CCNB2: variants seen among roughly 807,000 people sequenced by gnomAD.
CCNB2 encodes the protein cyclin B2.
A neutral mutation model predicts 51.1 loss-of-function variants in CCNB2; 39 were observed. The observed-to-expected ratio is 0.76, with a 90% CI of 0.59 to 1.00. CCNB2 has a LOEUF of 1.00. Among genes scored for constraint, CCNB2 ranks in the 50% least tolerant of loss-of-function variants. The pLI is 0.00. For missense variants in CCNB2, 472 were observed against 470.3 expected (o/e 1.00, Z -0.03); for synonymous variants, 174 against 165.5 (o/e 1.05, Z -0.40).
At chr15:59,108,369 C>T (rs776791856) in intron 3 of CCNB2, among the ~76,000 whole-genome samples, 9 of 152,006 alleles carry the variant, frequency 5.9e-5, no homozygotes, top group African/African-American at 1.9e-4. Flanking sequence ...TGAGGAGTAC[C>T]GAAATGATGA....
rs200529135 is a variant in CCNB2 at position 59,107,611 on chromosome 15, A to C, written c.208A>C (p.Lys70Gln). The stretch of plus-strand genomic sequence containing the variant: ...ACCCACCAAAACAACAAATGTCAAC[A>C]AACAACTGAAACCTACTGCTTCTGT... ...VQPTKTTNVN[K>Q]QLKPTASVKP... Residue 70 changes from lysine (K) to glutamine (Q), a missense_variant, in exon 3 of 9, where the codon AAA becomes CAA. Transcript: ENST00000288207. The C allele has an allele frequency of 1.2e-6, 2 of 1,614,214 alleles. No individual in the cohort carries two copies. The highest frequency in any genetic ancestry group is 4.5e-5 in the East Asian group (2 of 44,882).
chr15:59,109,613 A>G (rs1032122994), intron 3 of CCNB2, among the ~76,000 whole-genome samples: 1 of 152,240 alleles, frequency 6.6e-6, no homozygotes, highest in Admixed American at 6.5e-5. Flanking sequence ...TAAAATGTAC[A>G]TTTGTATGCA....
chr15:59,114,850 G>T lies in CCNB2; in HGVS notation c.571G>T (p.Val191Phe). Reference protein sequence around the residue: ...RLLQETLYMCVGIMDRFLQVQ... With the variant: ...RLLQETLYMCFGIMDRFLQVQ... ...TCTGCAGGAGACTCTGTACATGTGC[G>T]TTGGCATTATGGATCGATTTTTACA... Residue 191 changes from valine (V) to phenylalanine (F), a missense_variant, in exon 5 of 9, where the codon GTT becomes TTT. Physicochemically the swap from Val to Phe is conservative, Grantham distance 50. Coordinates refer to ENST00000288207, the MANE Select transcript of CCNB2 (RefSeq NM_004701.4). 6.2e-7 allele frequency: 1 copy of T among 1,613,458 alleles called. No individual in the cohort carries two copies. Among genetic ancestry groups the T allele is most frequent in the Non-Finnish European group, 8.5e-7 (1 of 1,179,526 alleles).
At chr15:59,124,729 G>A in intron 8 of CCNB2, 38 bp from the exon 9 acceptor site, 1 of 1,374,398 alleles carries the variant, frequency 7.3e-7, no homozygotes, top group African/African-American at 1.4e-5. Context: ...ATCATTGGGG[G>A]TTCCTGACAT....
intron 7 of CCNB2, among the ~76,000 whole-genome samples, chr15:59,122,641 A>G (rs1159434783): frequency 6.6e-6 from 1 of 151,146 alleles, no homozygotes; most frequent in Non-Finnish European, 1.5e-5. Flanking sequence ...GGCTCAAGCA[A>G]TCCTTCCTCC....
chr15:59,108,691 A>G (rs1412392642), intron 3 of CCNB2, among the ~76,000 whole-genome samples: 1 of 152,202 alleles, frequency 6.6e-6, no homozygotes, highest in African/African-American at 2.4e-5. Flanking sequence ...AGCTTTGGTA[A>G]AGGTATCCTG....
At chr15:59,110,636 A>T (rs2079253935) in intron 3 of CCNB2, among the ~76,000 whole-genome samples, 1 of 152,196 alleles carries the variant, frequency 6.6e-6, no homozygotes, top group African/African-American at 2.4e-5. Flanking sequence ...TGTGTCCATG[A>T]TAGGAGATGT....
At chr15:59,112,945 A>G (rs1482640079) in intron 3 of CCNB2, among the ~76,000 whole-genome samples, 1 of 151,934 alleles carries the variant, frequency 6.6e-6, no homozygotes, top group African/African-American at 2.4e-5. Context: ...GAGGCAGGAG[A>G]ATGGCGTGAA....
chr15:59,109,936 G>A (rs2079251326), intron 3 of CCNB2, among the ~76,000 whole-genome samples: 1 of 152,136 alleles, frequency 6.6e-6, no homozygotes, highest in African/African-American at 2.4e-5. Flanking sequence ...GCAGTGAGCC[G>A]AGATTGTGCC....
At chr15:59,108,102 T>C (rs543050059) in intron 3 of CCNB2, among the ~76,000 whole-genome samples, 55 of 152,216 alleles carry the variant, frequency 3.6e-4, no homozygotes, top group African/African-American at 1.2e-3. Flanking sequence ...ATGAGTGAGA[T>C]TTTTAGGGGT....
Position 59,125,031 on chromosome 15 carries a change from GT to G in CCNB2, c.*159del. 3 of 484,768 alleles carry G rather than the reference GT, an allele frequency of 6.2e-6. No individual in the cohort carries two copies. Among genetic ancestry groups the G allele is most frequent in the Non-Finnish European group, 3.6e-6 (1 of 275,454 alleles). 30.0% of individuals were successfully genotyped at this position (484,768 alleles called of 1,614,324 possible). Reference sequence around the variant, plus strand: ...ATATTGAGGAAAAATAAAGCGATTGGTTTTTCTTAAGGTATCCCATGTGTAT... The same window carrying G: ...ATATTGAGGAAAAATAAAGCGATTGGTTTTCTTAAGGTATCCCATGTGTAT... On this transcript the variant is annotated 3_prime_UTR_variant, in exon 9 of 9. Coordinates refer to ENST00000288207, the MANE Select transcript of CCNB2 (RefSeq NM_004701.4).
intron 3 of CCNB2, among the ~76,000 whole-genome samples, chr15:59,108,000 G>GA (rs57263228): frequency 0.075 from 10,961 of 146,482 alleles, 368 homozygotes; most frequent in Middle Eastern, 0.1. Flanking sequence ...CCTTGTCTCT[G>GA]AAAAAAAAAA....
intron 3 of CCNB2, among the ~76,000 whole-genome samples, chr15:59,111,641 G>C (rs1218321274): frequency 6.6e-6 from 1 of 152,110 alleles, no homozygotes; most frequent in African/African-American, 2.4e-5. Flanking sequence ...CAGCTTTTCA[G>C]CTCATCTTCT....
At chr15:59,107,707 G>T in intron 3 of CCNB2, 37 bp downstream of exon 3, 1 of 1,547,638 alleles carries the variant, frequency 6.5e-7, no homozygotes, top group Non-Finnish European at 8.9e-7. Context: ...ATTTAATGAG[G>T]TAGCCTGTTT....
At chr15:59,122,524 C>CTT (rs547047403) in intron 7 of CCNB2, among the ~76,000 whole-genome samples, 3 of 138,526 alleles carry the variant, frequency 2.2e-5, no homozygotes, top group Admixed American at 7.2e-5. Flanking sequence ...TGCGCCTGGC[C>CTT]TTTTTTTTTT....
Position 59,105,221 on chromosome 15 carries a change from C to T in CCNB2, c.-48C>T, listed in dbSNP as rs1389372849. 3.9e-6 allele frequency: 6 copies of T among 1,543,584 alleles called. No homozygotes were observed. The African/African-American group carries it at 5.5e-5, about 14-fold the overall frequency. On this transcript the variant is annotated 5_prime_UTR_variant, in exon 1 of 9. Transcript: ENST00000288207. Reference sequence around the variant, plus strand: ...ACGCTAGTGTCCTCCCTTTTCAGTCCGCGTCCCTCCCTGGGCCGGGCTGGC... The same window carrying T: ...ACGCTAGTGTCCTCCCTTTTCAGTCTGCGTCCCTCCCTGGGCCGGGCTGGC...
chr15:59,122,186 C>G (rs1443128537), intron 7 of CCNB2, among the ~76,000 whole-genome samples: 1 of 147,760 alleles, frequency 6.8e-6, no homozygotes, highest in Non-Finnish European at 1.5e-5. Context: ...AAAAAACGTA[C>G]TTTCGCTTTT....
chr15:59,124,472 C>T, intron 8 of CCNB2: 1 of 398,632 alleles, frequency 2.5e-6, no homozygotes, highest in East Asian at 5.9e-5. Context: ...GTGTCGTAAA[C>T]ACAGCTCCCC....
chr15:59,122,266 T>TTTTTTTTTTTA (rs2079305937), intron 7 of CCNB2, among the ~76,000 whole-genome samples: 1 of 140,558 alleles, frequency 7.1e-6, no homozygotes, highest in Non-Finnish European at 1.5e-5. Context: ...TTTTTTTTTT[T>TTTTTTTTTTTA]GAGACAGAGT....
Sources: gnomAD v4.1 joint callset for allele counts (sites outside exome capture counted in the v4.1 genomes callset) on GRCh38, gnomAD v4.1.1 for gene constraint, MANE v1.5 for transcripts, NCBI Gene and HGNC (gene_info 2026-07-23, HGNC 2026-07-21) for gene names.